Variants in ZNF99 observed in about 807,000 individuals in gnomAD.
The protein encoded by ZNF99 is zinc finger protein ENSP00000375192.
In ZNF99, 8 loss-of-function variants were observed where a neutral mutation model predicts 12.8. The observed-to-expected ratio is 0.62, with a 90% CI of 0.37 to 1.13. The LOEUF (loss-of-function observed/expected upper bound fraction) is 1.13, where lower values mean the gene tolerates loss of function less well. Among genes scored for constraint, ZNF99 ranks in the 50% most tolerant of loss-of-function variants. The pLI is 0.02. For synonymous variants in ZNF99, 318 were observed against 319.0 expected, an observed-to-expected ratio of 1.00 and a Z score of 0.03; for missense variants, 1,007 against 1,006.2, an observed-to-expected ratio of 1.00 and a Z score of -0.01.
rs555889541 is a variant in ZNF99, at chr19:22,758,350, T to G, written c.1559A>C (p.His520Pro). 6.8e-6 allele frequency: 11 copies of G among 1,612,364 alleles called. No homozygotes were observed. Among genetic ancestry groups the G allele is most frequent in the Non-Finnish European group, 9.3e-6 (11 of 1,179,520 alleles). Residue 520 changes from histidine to proline, a missense_variant, in exon 4 of 4, where the codon CAT (histidine) becomes CCT (proline). His to Pro is a moderately conservative substitution (Grantham distance 77). Transcript: ENST00000596209. ...CTTATGTTTTCTAAGGGCTGAGAAA[T>G]GCTTAAAAGCTTTGCCACATTCTTC... ...KCEECGKAFK[H>P]FSALRKHKII...
intron 3 of ZNF99, among the ~76,000 whole-genome samples, chr19:22,760,269 C>A (rs62120063): frequency 0.086 from 13,025 of 152,130 alleles, 574 homozygotes; most frequent in Middle Eastern, 0.11. Context: ...CTCCAGCCAG[C>A]GTGACACAGT....
rs1973112957 is a variant in ZNF99, at chr19:22,758,846, T to C, written c.1063A>G (p.Thr355Ala). 2 of 1,605,296 alleles carry C rather than the reference T, an allele frequency of 1.2e-6. No individual in the cohort carries two copies. Among genetic ancestry groups the C allele is most frequent in the Non-Finnish European group, 8.5e-7 (1 of 1,174,878 alleles). ...ECGKAFSQSS[T>A]LRKHEIIHTE... ...TGAATTATCTCATGTTTTCTAAGGG[T>C]TGAGGACTGGCTAAAAGCTTTGCCA... The change falls in exon 4 of 4, where the codon ACC (threonine) becomes GCC (alanine). Residue 355 changes from threonine (T) to alanine (A), a missense_variant. Coordinates refer to ENST00000596209, the MANE Select transcript of ZNF99 (RefSeq NM_001080409.3).
At chr19:22,773,079 C>CTGATCTAGTAA (rs1973290353) in intron 1 of ZNF99, among the ~76,000 whole-genome samples, 1 of 152,152 alleles carries the variant, frequency 6.6e-6, no homozygotes, top group Non-Finnish European at 1.5e-5. Flanking sequence ...TCTGATCTAG[C>CTGATCTAGTAA]CTCTCTAAAA....
chr19:22,769,982 T>C (rs375314577), intron 1 of ZNF99: 1 of 1,360,584 alleles, frequency 7.3e-7, no homozygotes, highest in Non-Finnish European at 9.8e-7. Context: ...CAAAAAGACA[T>C]GTTGAGTTAG....
chr19:22,768,885 C>T (rs1039522043), intron 2 of ZNF99, among the ~76,000 whole-genome samples: 13 of 151,772 alleles, frequency 8.6e-5, no homozygotes, highest in South Asian at 4.2e-4. Flanking sequence ...CAAAATTAGC[C>T]GGGTGTGGTG....
In ZNF99 at chr19:22,769,265, C is replaced by T. The variant is rs185470840; in HGVS notation, c.63G>A (p.Leu21=). Residue 21 remains leucine, a synonymous_variant, in exon 2 of 4, where the codon CTG becomes CTA. Coordinates refer to ENST00000596209, the MANE Select transcript of ZNF99 (RefSeq NM_001080409.3). ...IEFALEEWQC[L]DMAQQNLYRN... is the part of the protein sequence containing the mutation. Reference sequence around the variant, plus strand: ...TATATAAATTCTGCTGAGCCATGTCCAGGCATTGCCACTCCTCCAGAGCGA... The same window carrying T: ...TATATAAATTCTGCTGAGCCATGTCTAGGCATTGCCACTCCTCCAGAGCGA... 6.2e-7 allele frequency: 1 copy of T among 1,610,354 alleles called. No homozygotes were observed. The highest frequency in any genetic ancestry group is 1.7e-5 in the Admixed American group (1 of 59,738).
intron 3 of ZNF99, among the ~76,000 whole-genome samples, chr19:22,766,874 C>T (rs112777289): frequency 0.086 from 12,973 of 151,472 alleles, 570 homozygotes; most frequent in Middle Eastern, 0.11. Flanking sequence ...TGGTCTCAAA[C>T]TCCCAACCTC....
At chr19:22,783,746 G>C (rs961984264) in intron 1 of ZNF99, among the ~76,000 whole-genome samples, 4 of 152,200 alleles carry the variant, frequency 2.6e-5, no homozygotes, top group African/African-American at 9.7e-5. Flanking sequence ...ATCTGTGAGA[G>C]AGGAGGCGCT....
chr19:22,758,060 C>A lies in ZNF99; in HGVS notation c.1849G>T (p.Gly617Ter). 1 of 1,604,626 alleles carries A rather than the reference C, an allele frequency of 6.2e-7. No homozygotes were observed. Among genetic ancestry groups the A allele is most frequent in the Non-Finnish European group, 8.5e-7 (1 of 1,173,720 alleles). The change falls in exon 4 of 4, where the codon GGA becomes TGA. Residue 617 changes from glycine to a stop codon, truncating the protein, a stop_gained. Coordinates refer to ENST00000596209, the MANE Select transcript of ZNF99 (RefSeq NM_001080409.3). LOFTEE classifies it low-confidence loss of function (END_TRUNC). ...TCTTCACATTTGTAGGGTTTCTTTC[C>A]AGTATGAATTATCTGATGTTTTCTA... ...ALRKHQIIHT[G>*]KKPYKCEECG...
At chr19:22,774,727 G>A (rs775658629) in intron 1 of ZNF99, among the ~76,000 whole-genome samples, 1 of 152,092 alleles carries the variant, frequency 6.6e-6, no homozygotes, top group Admixed American at 6.6e-5. Context: ...AAAATGAGCT[G>A]GGCATGGTGG....
At chr19:22,773,710 G>T (rs1599448230) in intron 1 of ZNF99, 1 of 152,098 alleles carries the variant, frequency 6.6e-6, no homozygotes, top group Admixed American at 6.5e-5. Flanking sequence ...TGAGCACTGG[G>T]GCTACTCCTC....
chr19:22,782,660 C>T (rs12982991), intron 1 of ZNF99, among the ~76,000 whole-genome samples: 3,952 of 107,890 alleles, frequency 0.037, 316 homozygotes, highest in African/African-American at 0.15. Flanking sequence ...CCGCACCTGG[C>T]CTTTTTTTTT....
intron 3 of ZNF99, among the ~76,000 whole-genome samples, chr19:22,760,680 C>T (rs1160140820): frequency 6.6e-6 from 1 of 151,826 alleles, no homozygotes; most frequent in Admixed American, 6.6e-5. Flanking sequence ...GGAGGCAGAG[C>T]TTGCAGTGAG....
rs1240170680 is a variant in ZNF99 at position 22,755,974 on chromosome 19, A to AT, written c.*1339dup. The AT allele has an allele frequency of 1.8e-6, 1 of 568,908 alleles. No individual in the cohort carries two copies. The allele number at this position is 568,908 out of a possible 1,614,324, so 35.2% of individuals were successfully genotyped here. A position where few individuals can be genotyped will look rare whatever the true frequency, so the allele number is the denominator to read the frequency against. On this transcript the variant is annotated 3_prime_UTR_variant, in exon 4 of 4. Coordinates refer to ENST00000596209, the MANE Select transcript of ZNF99 (RefSeq NM_001080409.3). ...TTTGTAGGGTTTTCCTCCAGTATCA[A>AT]TTATTTTATGTGTATTTAAGGTGTG...
In ZNF99 at chr19:22,758,466, G is replaced by A. The variant is rs375353266; in HGVS notation, c.1443C>T (p.Tyr481=). Residue 481 remains tyrosine, a synonymous_variant, in exon 4 of 4, where the codon TAC becomes TAT. Coordinates refer to ENST00000596209, the MANE Select transcript of ZNF99 (RefSeq NM_001080409.3). ...AAGCTTTACCACATTCTTCACATTT[G>A]TAGGGTTTCTCTCCAGTATGAATTA... The part of the protein sequence containing the change: ...HEIIHTGEKP[Y]KCEECGKAFK... 2.8e-5 allele frequency: 45 copies of A among 1,613,204 alleles called. No individual in the cohort carries two copies. In the African/African-American group the frequency reaches 5.2e-4, roughly 19 times the overall value.
At chr19:22,760,353 G>A (rs1224535674) in intron 3 of ZNF99, among the ~76,000 whole-genome samples, 1 of 152,132 alleles carries the variant, frequency 6.6e-6, no homozygotes, top group Admixed American at 6.6e-5. Flanking sequence ...TAAAACAGTG[G>A]CACATACATA....
chr19:22,779,034 G>A (rs1278705843), intron 1 of ZNF99, among the ~76,000 whole-genome samples: 1 of 151,462 alleles, frequency 6.6e-6, no homozygotes, highest in African/African-American at 2.4e-5. Flanking sequence ...GAAAAGAGGT[G>A]GGGAAAGATA....
In ZNF99 at chr19:22,756,853, T is replaced by C; in HGVS notation, c.*461A>G. 6.2e-7 allele frequency: 1 copy of C among 1,612,668 alleles called. No homozygotes were observed. The highest frequency in any genetic ancestry group is 8.5e-7 in the Non-Finnish European group (1 of 1,179,392). On this transcript the variant is annotated 3_prime_UTR_variant, in exon 4 of 4. Transcript: ENST00000596209. The stretch of plus-strand genomic sequence containing the variant: ...AGGGCTGAGAAATGCTTAAAAGCTT[T>C]GCCACATTCTTCACATTTGTAGGGT...
rs375870113 is a variant in ZNF99 at position 22,757,264 on chromosome 19, A to G, written c.*50T>C. 1.4e-5 allele frequency: 22 copies of G among 1,610,990 alleles called. No homozygotes were observed. Among genetic ancestry groups the G allele is most frequent in the Admixed American group, 1.7e-5 (1 of 59,874 alleles). On this transcript the variant is annotated 3_prime_UTR_variant, in exon 4 of 4. Transcript: ENST00000596209. ...GTTTCCTAAGGGTTGAGGAATTGTTAAAAGCTTTGCCACATTCTTCACATT... is the reference window on the plus strand; with the variant it reads ...GTTTCCTAAGGGTTGAGGAATTGTTGAAAGCTTTGCCACATTCTTCACATT...
Sources: gnomAD v4.1 joint callset for allele counts (sites outside exome capture counted in the v4.1 genomes callset) on GRCh38, gnomAD v4.1.1 for gene constraint, MANE v1.5 for transcripts, NCBI Gene and HGNC (gene_info 2026-07-23, HGNC 2026-07-21) for gene names.